Variants in GGTA1 observed in about 807,000 individuals in gnomAD.
The protein encoded by GGTA1 is inactive N-acetyllactosaminide alpha-1,3-galactosyltransferase.
In GGTA1, 5 loss-of-function variants were observed where a neutral mutation model predicts 2.6. The ratio of observed to expected loss-of-function variants is 1.92; its 90% CI spans 1.00 to 4.04. The LOEUF (loss-of-function observed/expected upper bound fraction) is 4.04, where lower values mean the gene tolerates loss of function less well. Among genes scored for constraint, GGTA1 ranks in the 30% most tolerant of loss-of-function variants. GGTA1 has a pLI of 0.00. For synonymous variants in GGTA1, 17 were observed against 5.0 expected, an observed-to-expected ratio of 3.38 and a Z score of -3.19; for missense variants, 50 against 16.7, an observed-to-expected ratio of 2.99 and a Z score of -3.47.
chr9:121,466,828 C>T (rs1439749575), intron 2 of GGTA1, among the ~76,000 whole-genome samples: 1 of 151,938 alleles, frequency 6.6e-6, no homozygotes, highest in Non-Finnish European at 1.5e-5. Context: ...TAATACACGC[C>T]TGTAATCACA....
At chr9:121,474,967 G>T (rs529450339) in intron 1 of GGTA1, among the ~76,000 whole-genome samples, 2 of 152,292 alleles carry the variant, frequency 1.3e-5, no homozygotes, top group South Asian at 4.1e-4. Flanking sequence ...CTGGCTCCCA[G>T]TAGGAGCATC....
intron 1 of GGTA1, among the ~76,000 whole-genome samples, chr9:121,469,101 T>G (rs890102185): frequency 6.6e-6 from 1 of 152,148 alleles, no homozygotes; most frequent in Non-Finnish European, 1.5e-5. Flanking sequence ...AGATATTCCC[T>G]GATCGCTGCG....
chr9:121,487,490 C>T (rs1044649597), intron 1 of GGTA1, among the ~76,000 whole-genome samples: 1 of 142,776 alleles, frequency 7.0e-6, no homozygotes, highest in African/African-American at 2.6e-5. Flanking sequence ...TCAGGAGAAT[C>T]GTTTGAACCC....
In GGTA1 at chr9:121,467,828, A is replaced by C; in HGVS notation, c.80+15T>G. 1 of 455,476 alleles carries C rather than the reference A, an allele frequency of 2.2e-6. No individual in the cohort carries two copies. Among genetic ancestry groups the C allele is most frequent in the Non-Finnish European group, 4.4e-6 (1 of 226,604 alleles). 28.2% of individuals were successfully genotyped at this position (455,476 alleles called of 1,614,324 possible). A position where few individuals can be genotyped will look rare whatever the true frequency, so the allele number is the denominator to read the frequency against. On this transcript the variant is annotated intron_variant, in intron 2 of 5. Transcript: ENST00000481799. ...GTATTTTCATCCACATCACTTCATC[A>C]TGTTTCATAATTACCTGTTGATAAA...
intron 7 of GGTA1, among the ~76,000 whole-genome samples, chr9:121,447,763 G>GTCT (rs2064858851): frequency 6.6e-6 from 1 of 152,010 alleles, no homozygotes; most frequent in African/African-American, 2.4e-5. Flanking sequence ...TGGTTAGTAG[G>GTCT]AGAATGATTT....
chr9:121,465,140 C>T (rs2064995986), intron 2 of GGTA1, among the ~76,000 whole-genome samples: 1 of 152,254 alleles, frequency 6.6e-6, no homozygotes, highest in African/African-American at 2.4e-5. Context: ...CCAGAACCTG[C>T]TCTGGCTACC....
At chr9:121,453,620 G>A (rs16910613), downstream of GGTA1, among the ~76,000 whole-genome samples, 8,616 of 152,222 alleles carry the variant, frequency 0.057, 267 homozygotes, top group East Asian at 0.11. Context: ...GATTCACTGT[G>A]GGCAGCATCT....
At chr9:121,448,811 GACAT>G (rs2064864314) in intron 7 of GGTA1, among the ~76,000 whole-genome samples, 1 of 152,048 alleles carries the variant, frequency 6.6e-6, no homozygotes, top group African/African-American at 2.4e-5. Flanking sequence ...AAGCTACACT[GACAT>G]ATCACTATCA....
chr9:121,480,286 G>A (rs1276348766), intron 1 of GGTA1, among the ~76,000 whole-genome samples: 2 of 152,084 alleles, frequency 1.3e-5, no homozygotes, highest in Admixed American at 6.5e-5. Flanking sequence ...TCGATCTCTT[G>A]ACCTCGTGAT....
In GGTA1 at chr9:121,487,682, C is replaced by T. The variant is rs188000705; in HGVS notation, c.-10+11968G>A. 1.6e-3 allele frequency among the ~76,000 whole-genome samples: 250 copies of T among 151,972 alleles called. 5 individuals carry two copies. The highest frequency in any genetic ancestry group is 5.0e-4 in the Non-Finnish European group (34 of 67,994). On this transcript the variant is annotated intron_variant, in intron 1 of 5. Transcript: ENST00000481799. ...GCTCCACTGAGGATCTCTGTTTGGC[C>T]GTGCTGTGCAGAAAGGATGTCTTTA... is the stretch of plus-strand genomic sequence containing the variant.
At chr9:121,496,755 A>G (rs12006455) in intron 1 of GGTA1, among the ~76,000 whole-genome samples, 5,265 of 104,090 alleles carry the variant, frequency 0.051, 266 homozygotes, top group East Asian at 0.081. Context: ...AAAAAAAAAA[A>G]AAAGAGAGAG....
chr9:121,451,239 C>T (rs553212805), downstream of GGTA1, among the ~76,000 whole-genome samples: 4 of 152,076 alleles, frequency 2.6e-5, no homozygotes, highest in Admixed American at 2.6e-4. Context: ...GCTCTGTCAC[C>T]CAGGGGCGTG....
At chr9:121,470,774 T>C (rs374709737) in intron 1 of GGTA1, among the ~76,000 whole-genome samples, 1 of 152,228 alleles carries the variant, frequency 6.6e-6, no homozygotes. Flanking sequence ...GTAAAATGAA[T>C]GAAGGCCACC....
At chr9:121,498,602 G>A (rs1430099108) in intron 1 of GGTA1, among the ~76,000 whole-genome samples, 1 of 152,214 alleles carries the variant, frequency 6.6e-6, no homozygotes, top group Non-Finnish European at 1.5e-5. Context: ...CTGGCAGCAA[G>A]CGGCAGGCCA....
At chr9:121,488,008 G>A (rs929362766) in intron 1 of GGTA1, among the ~76,000 whole-genome samples, 28 of 152,116 alleles carry the variant, frequency 1.8e-4, no homozygotes, top group African/African-American at 5.3e-4. Flanking sequence ...GAGCCACCGC[G>A]CCAGGCCTAC....
chr9:121,488,642 G>C (rs551348770), intron 1 of GGTA1, among the ~76,000 whole-genome samples: 3 of 150,206 alleles, frequency 2.0e-5, no homozygotes, highest in Non-Finnish European at 4.4e-5. Context: ...GCTTGAACCC[G>C]GGAGGCGGAA....
chr9:121,473,745 G>A (rs961499648), intron 1 of GGTA1, among the ~76,000 whole-genome samples: 7 of 152,050 alleles, frequency 4.6e-5, no homozygotes, highest in African/African-American at 1.7e-4. Context: ...GGGCAACATG[G>A]GGAAACCCCC....
chr9:121,467,955 A>G (rs1392399655), intron 1 of GGTA1, 24 bp from the exon 2 acceptor site: 1 of 453,758 alleles, frequency 2.2e-6, no homozygotes, highest in Admixed American at 2.4e-5. Flanking sequence ...AGAGGGGAGA[A>G]AAAAAGAGAA....
At chr9:121,471,325 C>G (rs886096812) in intron 1 of GGTA1, among the ~76,000 whole-genome samples, 1 of 152,142 alleles carries the variant, frequency 6.6e-6, no homozygotes, top group Non-Finnish European at 1.5e-5. Flanking sequence ...ATCAGTTAGT[C>G]TGTGAGCTTC....
Sources: gnomAD v4.1 joint callset for allele counts (sites outside exome capture counted in the v4.1 genomes callset) on GRCh38, gnomAD v4.1.1 for gene constraint, MANE v1.5 for transcripts, NCBI Gene and HGNC (gene_info 2026-07-23, HGNC 2026-07-21) for gene names.